Variants in CUL4B observed in about 807,000 individuals in gnomAD.
CUL4B encodes the protein cullin-4B.
CUL4B carries 1 observed loss-of-function variant against 69.2 expected under a neutral mutation model. The ratio of observed to expected loss-of-function variants is 0.01; its 90% CI spans 0.01 to 0.07. CUL4B has a LOEUF of 0.07. Ranked by LOEUF, CUL4B falls within the 10% of genes least tolerant of loss-of-function variation. CUL4B has a pLI of 1.00. For synonymous variants in CUL4B, 237 were observed against 223.2 expected, an observed-to-expected ratio of 1.06 and a Z score of -0.55; for missense variants, 328 against 638.8, an observed-to-expected ratio of 0.51 and a Z score of 5.24.
chrX:120,546,106 T>C (rs1295624916), intron 4 of CUL4B, among the ~76,000 whole-genome samples: 1 of 111,219 alleles, frequency 9.0e-6, no homozygotes, highest in African/African-American at 3.3e-5. Flanking sequence ...TTGGTAAGTG[T>C]GACAAAAATA....
chrX:120,574,405 T>C, intron 2 of CUL4B: 1 of 495,886 alleles, frequency 2.0e-6, no homozygotes, highest in East Asian at 4.1e-5. Flanking sequence ...AGAGACGGGG[T>C]TTCACCGTGG....
intron 2 of CUL4B, 31 bp from the exon 3 acceptor site, chrX:120,547,270 G>A: frequency 1.2e-6 from 1 of 861,581 alleles, no homozygotes; most frequent in Non-Finnish European, 1.7e-6. Flanking sequence ...CTTAAGGAGA[G>A]GATGAAGGAT....
rs760294805 is a variant in CUL4B at position 120,560,320 on chromosome X, G to C, written c.319C>G (p.Leu107Val). 2.2e-4 allele frequency: 267 copies of C among 1,209,508 alleles called. No individual in the cohort carries two copies. Among genetic ancestry groups the C allele is most frequent in the Non-Finnish European group, 2.8e-4 (253 of 894,900 alleles). ...TTCGCATCAAACCCTACAAACTCCA[G>C]GGTGTCTTCAAAACGCAGCTTCTTC... is the stretch of plus-strand genomic sequence containing the variant. ...IQKKLRFEDT[L>V]EFVGFDAKMA... Residue 107 changes from leucine (L) to valine (V), a missense_variant, in exon 1 of 20, where the codon CTG (leucine) becomes GTG (valine). Leu to Val is a conservative substitution (Grantham distance 32). Transcript: ENST00000371322.
chrX:120,560,700 G>A lies in CUL4B; in HGVS notation c.-62C>T. On this transcript the variant is annotated 5_prime_UTR_variant, in exon 1 of 20. In the 5' UTR this introduces an upstream ATG that the reference lacks. Transcript: ENST00000371322. The stretch of plus-strand genomic sequence containing the variant: ...AACCTACGTTTATATGCCTGCGTGC[G>A]TGTAGGAGAGAAGGTAGCAATGCTA... 8.6e-7 allele frequency: 1 copy of A among 1,160,294 alleles called. No homozygotes were observed. The highest frequency in any genetic ancestry group is 1.8e-5 in the African/African-American group (1 of 56,105).
chrX:120,570,015 C>G (rs972823797), downstream of CUL4B, among the ~76,000 whole-genome samples: 1 of 111,761 alleles, frequency 8.9e-6, no homozygotes, highest in African/African-American at 3.3e-5. Context: ...ACCAGAAACT[C>G]TGAAGAGCTA....
chrX:120,535,775 A>C, intron 16 of CUL4B, 55 bp downstream of exon 16: 1 of 704,098 alleles, frequency 1.4e-6, no homozygotes, highest in Non-Finnish European at 2.3e-6. Flanking sequence ...AAGAAGGATG[A>C]CCTAAACATT....
chrX:120,568,594 A>G (rs1925622196), downstream of CUL4B, among the ~76,000 whole-genome samples: 1 of 112,265 alleles, frequency 8.9e-6, no homozygotes, highest in Non-Finnish European at 1.9e-5. Context: ...TATTGAGCAA[A>G]TACTCTCAGC....
At chrX:120,536,773 G>A (rs1033488935) in intron 15 of CUL4B, among the ~76,000 whole-genome samples, 154 bp downstream of exon 15, 3 of 111,706 alleles carry the variant, frequency 2.7e-5, no homozygotes, top group African/African-American at 9.8e-5. Flanking sequence ...AGGCGGGGGG[G>A]ATCACTTGAG....
rs367660624 is a variant in CUL4B, at chrX:120,545,475, C to T, written c.889G>A (p.Val297Ile). ...GAGGGTAGCATTGAATTCTGAAGAA[C>T]GTAAGTTCTATCCAGAAACAAAAAA... ...SIFLFLDRTY[V>I]LQNSMLPSIW... The change falls in exon 5 of 20, where the codon GTT becomes ATT. Residue 297 changes from valine to isoleucine, a missense_variant. By Grantham distance (29) the Val-to-Ile change is conservative. Around this residue, in one of 4 missense-constraint regions of CUL4B, gnomAD observed 126 missense variants for 202.5 expected, o/e 0.62. Coordinates refer to ENST00000371322, the MANE Select transcript of CUL4B (RefSeq NM_001079872.2). The T allele has an allele frequency of 7.6e-6, 9 of 1,179,020 alleles. No homozygotes were observed. The highest frequency in any genetic ancestry group is 4.7e-5 in the Admixed American group (2 of 42,877).
downstream of CUL4B, among the ~76,000 whole-genome samples, chrX:120,567,332 G>A (rs1925584659): frequency 1.8e-5 from 2 of 108,732 alleles, no homozygotes; most frequent in Non-Finnish European, 3.8e-5. Context: ...TTGCCATGTT[G>A]GCCAGGCTGG....
At chrX:120,535,321 A>G (rs1316439372) in intron 16 of CUL4B, among the ~76,000 whole-genome samples, 1 of 111,727 alleles carries the variant, frequency 9.0e-6, no homozygotes. Flanking sequence ...TCGTGGAAAG[A>G]CCACACACCT....
upstream of CUL4B, among the ~76,000 whole-genome samples, chrX:120,566,363 A>ATGTG (rs1331250970): frequency 1.8e-5 from 1 of 57,138 alleles, no homozygotes; most frequent in African/African-American, 5.5e-5. Context: ...ATATATATAT[A>ATGTG]TATATATATA....
rs1429039293 is a variant in CUL4B at position 120,542,960 on chromosome X, A to G, written c.1324+6T>C. 1 of 1,186,897 alleles carries G rather than the reference A, an allele frequency of 8.4e-7. No homozygotes were observed. The highest frequency in any genetic ancestry group is 2.2e-5 in the Admixed American group (1 of 45,843). ...AGCAATCTCTTATTTACAAATTGCC[A>G]ATTACCTTTCTGAAGAATTGCTGTT... On this transcript the variant is annotated splice_donor_region_variant and intron_variant, in intron 9 of 19. Coordinates refer to ENST00000371322, the MANE Select transcript of CUL4B (RefSeq NM_001079872.2).
Position 120,543,040 on chromosome X carries a change from G to GA in CUL4B, c.1257-8_1257-7insT. On this transcript the variant is annotated splice_region_variant and splice_polypyrimidine_tract_variant and intron_variant, in intron 8 of 19. Coordinates refer to ENST00000371322, the MANE Select transcript of CUL4B (RefSeq NM_001079872.2). ...AGTAGCAATTAATGACTTCCTACAA[G>GA]GAAAAAAAAAAAGGTTAGTATTATT... The GA allele has an allele frequency of 9.0e-7, 1 of 1,115,394 alleles. No individual in the cohort carries two copies. Among genetic ancestry groups the GA allele is most frequent in the Non-Finnish European group, 1.2e-6 (1 of 825,906 alleles). 91.9% of individuals were successfully genotyped at this position (1,115,394 alleles called of 1,213,427 possible).
At chrX:120,565,101 C>T (rs905943312), upstream of CUL4B, among the ~76,000 whole-genome samples, 3 of 111,164 alleles carry the variant, frequency 2.7e-5, no homozygotes, top group Admixed American at 1.9e-4. Flanking sequence ...GAGTGTAACC[C>T]ATTTCCCCTT....
intron 2 of CUL4B, among the ~76,000 whole-genome samples, chrX:120,547,953 A>G (rs761998146): frequency 9.1e-6 from 1 of 109,768 alleles, no homozygotes; most frequent in South Asian, 4.0e-4. Flanking sequence ...GGCTCTCCTT[A>G]CTCCTCAGCT....
upstream of CUL4B, among the ~76,000 whole-genome samples, chrX:120,566,367 A>ATGTATATATATATATATATATG (rs754503890): frequency 3.5e-5 from 2 of 57,133 alleles, no homozygotes; most frequent in African/African-American, 1.2e-4. Flanking sequence ...ATATATATAT[A>ATGTATATATATATATATATATG]TATATATATA....
At chrX:120,571,531 C>G (rs927029893) in exon 3 of CUL4B, 11 of 111,313 alleles carry the variant, frequency 9.9e-5, no homozygotes, top group African/African-American at 3.3e-4. Flanking sequence ...GGGGGCTTAA[C>G]GTTGTAACCT....
At chrX:120,575,348 A>G (rs1383223129) in intron 1 of CUL4B, 3 of 112,366 alleles carry the variant, frequency 2.7e-5, no homozygotes, top group Non-Finnish European at 5.6e-5. Flanking sequence ...ACCTTCAATA[A>G]GTTCCTAAAC....
Sources: gnomAD v4.1 joint callset for allele counts (sites outside exome capture counted in the v4.1 genomes callset) on GRCh38, gnomAD v4.1.1 for gene constraint, gnomAD v4.1.1 regional missense constraint, MANE v1.5 for transcripts, NCBI Gene and HGNC (gene_info 2026-07-23, HGNC 2026-07-21) for gene names.